TRIO: variants seen among roughly 807,000 people sequenced by gnomAD.
TRIO encodes trio Rho guanine nucleotide exchange factor.
In TRIO, 58 loss-of-function variants were observed where a neutral mutation model predicts 351.9. That is an observed-to-expected ratio of 0.16 (90% confidence interval 0.13 to 0.21). The LOEUF (loss-of-function observed/expected upper bound fraction) is 0.21. Among genes scored for constraint, TRIO ranks in the 10% least tolerant of loss-of-function variants. The probability of loss-of-function intolerance (pLI) is 1.00; values close to 1 mark genes in which losing one functional copy is unlikely to be tolerated. For missense variants in TRIO, 3,201 were observed against 4,027.8 expected (o/e 0.79, Z 5.56); for synonymous variants, 1,758 against 1,595.7 (o/e 1.10, Z -2.42).
rs1561575056 is a variant in TRIO at position 14,506,863 on chromosome 5, C to T, written c.8613-259C>T. Reference sequence around the variant, plus strand: ...GGGCCACGCCATCCCCCGCAACAGGCGGGTTTGGACCCTTGACTGTGCCGC... The same window carrying T: ...GGGCCACGCCATCCCCCGCAACAGGTGGGTTTGGACCCTTGACTGTGCCGC... On this transcript the variant is annotated intron_variant, in intron 55 of 56. Coordinates refer to ENST00000344204, the MANE Select transcript of TRIO (RefSeq NM_007118.4). Among the ~76,000 whole-genome samples, 1 of 152,184 alleles carries T rather than the reference C, an allele frequency of 6.6e-6. No homozygotes were observed. Among genetic ancestry groups the T allele is most frequent in the Non-Finnish European group, 1.5e-5 (1 of 68,034 alleles).
intron 1 of TRIO, among the ~76,000 whole-genome samples, chr5:14,160,717 C>T (rs559543370): frequency 1.5e-4 from 23 of 152,296 alleles, no homozygotes; most frequent in African/African-American, 5.5e-4. Flanking sequence ...TGTGTTAGCT[C>T]CCATTTATCA....
intron 37 of TRIO, among the ~76,000 whole-genome samples, chr5:14,469,510 A>C (rs186815772): frequency 2.0e-5 from 3 of 152,378 alleles, no homozygotes; most frequent in Non-Finnish European, 4.4e-5. Flanking sequence ...AAGAGAGGAG[A>C]AGGACACAAA....
In TRIO at chr5:14,454,945, G is replaced by A. The variant is rs796736255; in HGVS notation, c.5204-6074G>A. 2.1e-4 allele frequency among the ~76,000 whole-genome samples: 32 copies of A among 152,066 alleles called. 1 individual carries two copies. Among genetic ancestry groups the A allele is most frequent in the Admixed American group, 5.9e-4 (9 of 15,276 alleles). ...TTCAGGAGTGAAGCTGCAGACCTTC[G>A]CGGTGAGTGTTACAGCGCTTAAGGT... On this transcript the variant is annotated intron_variant, in intron 34 of 56. Coordinates refer to ENST00000344204, the MANE Select transcript of TRIO (RefSeq NM_007118.4).
At chr5:14,465,849 G>T (rs974468165) in intron 37 of TRIO, 4 of 582,226 alleles carry the variant, frequency 6.9e-6, no homozygotes, top group Non-Finnish European at 1.2e-5. Context: ...CATTTGCAGT[G>T]TATTCCCATG....
chr5:14,381,291 C>A, intron 21 of TRIO, 39 bp downstream of exon 21: 2 of 1,548,912 alleles, frequency 1.3e-6, no homozygotes, highest in South Asian at 1.2e-5. Context: ...GCCTCTAAGT[C>A]GAAAGCGAGT....
At chr5:14,174,127 G>A (rs1789267775) in intron 1 of TRIO, among the ~76,000 whole-genome samples, 1 of 152,192 alleles carries the variant, frequency 6.6e-6, no homozygotes, top group African/African-American at 2.4e-5. Flanking sequence ...GGAGAAATGA[G>A]CGCTAGTTGC....
intron 11 of TRIO, among the ~76,000 whole-genome samples, chr5:14,351,679 C>G (rs1743131821): frequency 6.6e-6 from 1 of 152,214 alleles, no homozygotes; most frequent in Admixed American, 6.5e-5. Flanking sequence ...AGATAGAGTG[C>G]TCCAAGAATT....
At chr5:14,434,633 C>T (rs1310069228) in intron 34 of TRIO, among the ~76,000 whole-genome samples, 2 of 152,204 alleles carry the variant, frequency 1.3e-5, no homozygotes, top group African/African-American at 4.8e-5. Context: ...GGCATGAACC[C>T]GAATGCAGTG....
chr5:14,319,450 C>T (rs1739671944), intron 9 of TRIO, among the ~76,000 whole-genome samples: 3 of 152,090 alleles, frequency 2.0e-5, no homozygotes, highest in Admixed American at 2.0e-4. Context: ...GAAGTTTTTG[C>T]CATATTAAGC....
At chr5:14,362,691 G>A (rs952602103) in intron 13 of TRIO, among the ~76,000 whole-genome samples, 1 of 152,136 alleles carries the variant, frequency 6.6e-6, no homozygotes, top group African/African-American at 2.4e-5. Context: ...TCTTTGCGAG[G>A]TGGTGCATCG....
At chr5:14,408,846 A>T (rs1748939224) in intron 33 of TRIO, among the ~76,000 whole-genome samples, 1 of 151,966 alleles carries the variant, frequency 6.6e-6, no homozygotes, top group Non-Finnish European at 1.5e-5. Flanking sequence ...TCCCCTAGAC[A>T]TGAGTTCAAA....
intron 34 of TRIO, among the ~76,000 whole-genome samples, chr5:14,423,065 T>C (rs1344950713): frequency 6.6e-6 from 1 of 152,234 alleles, no homozygotes; most frequent in Non-Finnish European, 1.5e-5. Flanking sequence ...CCTTCTGCTC[T>C]TGCTCTGGCT....
intron 34 of TRIO, among the ~76,000 whole-genome samples, chr5:14,458,584 TC>T (rs1345502331): frequency 6.6e-6 from 1 of 152,212 alleles, no homozygotes; most frequent in Non-Finnish European, 1.5e-5. Context: ...AACTAGGTGT[TC>T]ATTATCTCTG....
chr5:14,204,178 A>G (rs577139070), intron 1 of TRIO, among the ~76,000 whole-genome samples: 1 of 152,314 alleles, frequency 6.6e-6, no homozygotes, highest in East Asian at 1.9e-4. Context: ...AACAAGTGTC[A>G]TCTGTGGTTG....
At chr5:14,219,927 T>C (rs1049939585) in intron 1 of TRIO, among the ~76,000 whole-genome samples, 1 of 151,530 alleles carries the variant, frequency 6.6e-6, no homozygotes, top group Admixed American at 6.6e-5. Flanking sequence ...AGTGATTTTG[T>C]GAGTCTCTAA....
intron 1 of TRIO, among the ~76,000 whole-genome samples, chr5:14,218,595 A>C (rs921030720): frequency 2.6e-5 from 4 of 152,236 alleles, no homozygotes; most frequent in African/African-American, 9.6e-5. Context: ...CTTAAGGAGC[A>C]GGTGGGCCCT....
At chr5:14,261,989 C>T (rs1795376867) in intron 1 of TRIO, among the ~76,000 whole-genome samples, 3 of 152,126 alleles carry the variant, frequency 2.0e-5, no homozygotes, top group African/African-American at 4.8e-5. Flanking sequence ...TTGGAGCTGT[C>T]GCTATTGCTC....
At chr5:14,346,324 A>G (rs1373684362) in intron 11 of TRIO, among the ~76,000 whole-genome samples, 2 of 152,248 alleles carry the variant, frequency 1.3e-5, no homozygotes, top group South Asian at 2.1e-4. Flanking sequence ...CTCTCCAGAC[A>G]TAGGCCAGAA....
intron 2 of TRIO, among the ~76,000 whole-genome samples, chr5:14,276,049 GTT>G (rs55864994): frequency 1.0e-3 from 143 of 142,564 alleles, no homozygotes; most frequent in African/African-American, 3.2e-3. Flanking sequence ...ATGGACATTT[GTT>G]TTTTTTTTTT....
Sources: allele counts gnomAD v4.1 joint callset (sites outside exome capture counted in the v4.1 genomes callset), GRCh38; gene constraint gnomAD v4.1.1; transcripts MANE v1.5; gene names NCBI Gene and HGNC (gene_info 2026-07-23, HGNC 2026-07-21).